Variants in LSAMP observed in about 807,000 individuals in gnomAD.
The protein encoded by LSAMP is limbic system-associated membrane protein.
A neutral mutation model predicts 38.6 loss-of-function variants in LSAMP; 7 were observed. The observed-to-expected ratio is 0.18, with a 90% CI of 0.10 to 0.34. The LOEUF is 0.34. Among genes scored for constraint, LSAMP ranks in the 10% least tolerant of loss-of-function variants. The pLI is 1.00. For missense variants in LSAMP, 313 were observed against 420.0 expected, an observed-to-expected ratio of 0.75 and a Z score of 2.23; for synonymous variants, 154 against 166.8, an observed-to-expected ratio of 0.92 and a Z score of 0.59.
intron 1 of LSAMP, among the ~76,000 whole-genome samples, chr3:116,306,610 C>A (rs966544109): frequency 6.6e-6 from 1 of 151,938 alleles, no homozygotes; most frequent in African/African-American, 2.4e-5. Flanking sequence ...CATCCCTGGG[C>A]TTAGTGGAAT....
intron 1 of LSAMP, among the ~76,000 whole-genome samples, chr3:116,121,274 T>C (rs1708869540): frequency 6.6e-6 from 1 of 152,196 alleles, no homozygotes; most frequent in Admixed American, 6.5e-5. Flanking sequence ...CATCCAAATA[T>C]TAGGCCCAGA....
chr3:116,247,915 C>T (rs575200828), intron 1 of LSAMP, among the ~76,000 whole-genome samples: 3 of 152,314 alleles, frequency 2.0e-5, no homozygotes, highest in Admixed American at 2.0e-4. Flanking sequence ...ACATCATGTC[C>T]TCATAAAGCT....
At chr3:115,996,736 CT>C (rs1292145076) in intron 3 of LSAMP, among the ~76,000 whole-genome samples, 4 of 151,942 alleles carry the variant, frequency 2.6e-5, no homozygotes, top group Non-Finnish European at 5.9e-5. Flanking sequence ...TTATTCATTT[CT>C]TTATTTATTA....
At position 116,209,196 on chromosome 3, in the gene LSAMP, G is replaced by C. The variant is rs2046116924; in HGVS notation, c.156-122640C>G. On this transcript the variant is annotated intron_variant, in intron 1 of 6. Coordinates refer to ENST00000490035, the MANE Select transcript of LSAMP (RefSeq NM_002338.5). ...GTCCGTCACCCCTTTCTTTGACTTG[G>C]AAAGGGAACTCCCTGACCCCTTGCA... 2.6e-5 allele frequency among the ~76,000 whole-genome samples: 4 copies of C among 152,266 alleles called. No individual in the cohort carries two copies. In the South Asian group the frequency reaches 8.3e-4, roughly 32 times the overall value.
intron 4 of LSAMP, 89 bp downstream of exon 4, chr3:115,852,394 T>C: frequency 7.0e-7 from 1 of 1,427,092 alleles, no homozygotes; most frequent in East Asian, 2.4e-5. Context: ...TGAAATACAA[T>C]GTTCTTTTGC....
chr3:115,890,423 C>T (rs1343137945), intron 3 of LSAMP, among the ~76,000 whole-genome samples: 1 of 151,856 alleles, frequency 6.6e-6, no homozygotes, highest in Non-Finnish European at 1.5e-5. Context: ...TATTAATCAA[C>T]ATGGAACTAG....
At chr3:116,231,250 C>A (rs1181150980) in intron 1 of LSAMP, among the ~76,000 whole-genome samples, 1 of 152,166 alleles carries the variant, frequency 6.6e-6, no homozygotes, top group African/African-American at 2.4e-5. Flanking sequence ...GGTTCTGGTT[C>A]TTTACATAGG....
chr3:116,429,598 C>T (rs1255263499), intron 1 of LSAMP, among the ~76,000 whole-genome samples: 3 of 152,072 alleles, frequency 2.0e-5, no homozygotes, highest in Middle Eastern at 3.2e-3. Context: ...TGTCTACATA[C>T]GACCACCGCC....
chr3:116,085,420 T>C (rs1284071153), intron 2 of LSAMP, among the ~76,000 whole-genome samples: 2 of 152,250 alleles, frequency 1.3e-5, no homozygotes, highest in East Asian at 1.9e-4. Flanking sequence ...ACTGACTGCA[T>C]TGGAACCTTG....
chr3:116,316,499 G>A (rs1168255277), intron 1 of LSAMP, among the ~76,000 whole-genome samples: 2 of 152,174 alleles, frequency 1.3e-5, no homozygotes, highest in Non-Finnish European at 2.9e-5. Context: ...AAGGCCGGGC[G>A]CCGTGGCTCA....
intron 1 of LSAMP, among the ~76,000 whole-genome samples, chr3:116,303,571 CT>C (rs1374069946): frequency 6.6e-6 from 1 of 152,122 alleles, no homozygotes; most frequent in Non-Finnish European, 1.5e-5. Flanking sequence ...TTGAAGAGCA[CT>C]GAGTTATTCC....
chr3:116,154,696 C>T (rs965623373), intron 1 of LSAMP, among the ~76,000 whole-genome samples: 6 of 152,064 alleles, frequency 3.9e-5, no homozygotes, highest in Non-Finnish European at 8.8e-5. Flanking sequence ...TCACACATAT[C>T]CTTCCCCCAT....
At chr3:116,051,676 G>A (rs1358480345) in intron 2 of LSAMP, among the ~76,000 whole-genome samples, 1 of 152,098 alleles carries the variant, frequency 6.6e-6, no homozygotes, top group Non-Finnish European at 1.5e-5. Context: ...AAAGTTTTGA[G>A]CAATGGCTTC....
At chr3:116,330,749 C>T (rs947975343) in intron 1 of LSAMP, among the ~76,000 whole-genome samples, 1 of 152,038 alleles carries the variant, frequency 6.6e-6, no homozygotes, top group Non-Finnish European at 1.5e-5. Context: ...CAGAAACAGC[C>T]TAAACAATTT....
At position 115,869,267 on chromosome 3, in the gene LSAMP, GGGGA is replaced by G. The variant is rs1003898651; in HGVS notation, c.515-16654_515-16651del. ...TCCCTTCATAACCTCTATCTTGGAG[GGGGA>G]GAGAGAGAGAGAGAGAGAGAGAGAG... On this transcript the variant is annotated intron_variant, in intron 3 of 6. Coordinates refer to ENST00000490035, the MANE Select transcript of LSAMP (RefSeq NM_002338.5). Among the ~76,000 whole-genome samples, 49 of 108,730 alleles carry G rather than the reference GGGGA, an allele frequency of 4.5e-4. 1 individual carries two copies. Among genetic ancestry groups the G allele is most frequent in the Admixed American group, 1.0e-3 (9 of 8,628 alleles). The allele number at this position is 108,730 out of a possible 152,430, so 71.3% of individuals were successfully genotyped here. A position where few individuals can be genotyped will look rare whatever the true frequency, so the allele number is the denominator to read the frequency against.
chr3:116,301,507 G>T (rs1335954197), intron 1 of LSAMP, among the ~76,000 whole-genome samples: 2 of 152,176 alleles, frequency 1.3e-5, no homozygotes, highest in Admixed American at 6.5e-5. Flanking sequence ...TGAAAAACAG[G>T]TAGACTGTTT....
intron 1 of LSAMP, among the ~76,000 whole-genome samples, chr3:116,329,507 G>T (rs2047821139): frequency 6.6e-6 from 1 of 151,962 alleles, no homozygotes; most frequent in African/African-American, 2.4e-5. Context: ...TTGGACTTTT[G>T]TTTGTTTGCT....
At chr3:116,140,744 G>A (rs1228989741) in intron 1 of LSAMP, among the ~76,000 whole-genome samples, 26 of 151,892 alleles carry the variant, frequency 1.7e-4, no homozygotes, top group Non-Finnish European at 1.8e-4. Flanking sequence ...ATATGTATCT[G>A]CTCAAGGGTG....
chr3:116,310,911 G>GTTTTTTTTT, intron 1 of LSAMP, among the ~76,000 whole-genome samples: 1 of 51,654 alleles, frequency 1.9e-5, no homozygotes, highest in Non-Finnish European at 4.7e-5. Flanking sequence ...ATGATGATAA[G>GTTTTTTTTT]TTGTTTTTTT....
Sources: gnomAD v4.1 joint callset for allele counts (sites outside exome capture counted in the v4.1 genomes callset) on GRCh38, gnomAD v4.1.1 for gene constraint, MANE v1.5 for transcripts, NCBI Gene and HGNC (gene_info 2026-07-23, HGNC 2026-07-21) for gene names.